ADK: variants seen among roughly 807,000 people sequenced by gnomAD.
ADK encodes the protein N6,N6-dimethyladenosine kinase.
In ADK, 24 loss-of-function variants were observed where a neutral mutation model predicts 44.7. That is an observed-to-expected ratio of 0.54 (90% CI 0.39 to 0.76). ADK has a LOEUF of 0.76. ADK is among the 30% of genes least tolerant of loss of function. The probability of loss-of-function intolerance (pLI) is 0.00; values close to 1 mark genes in which losing one functional copy is unlikely to be tolerated. For missense variants in ADK, 321 were observed against 425.1 expected, an observed-to-expected ratio of 0.76 and a Z score of 2.15; for synonymous variants, 128 against 142.6, an observed-to-expected ratio of 0.90 and a Z score of 0.73.
At chr10:74,359,611 G>A (rs1842260617) in intron 4 of ADK, among the ~76,000 whole-genome samples, 1 of 152,122 alleles carries the variant, frequency 6.6e-6, no homozygotes, top group Non-Finnish European at 1.5e-5. Context: ...TTGGGAGGCT[G>A]AAGCAGGAGG....
chr10:74,543,917 A>G (rs1317849247), intron 7 of ADK, among the ~76,000 whole-genome samples: 1 of 151,396 alleles, frequency 6.6e-6, no homozygotes, highest in Non-Finnish European at 1.5e-5. Flanking sequence ...ATTAATCCCC[A>G]TTATACACTC....
intron 6 of ADK, among the ~76,000 whole-genome samples, chr10:74,446,555 A>C (rs1845593309): frequency 6.6e-6 from 1 of 152,102 alleles, no homozygotes; most frequent in Non-Finnish European, 1.5e-5. Context: ...GGAACCATAA[A>C]ATCCTTTTAA....
intron 8 of ADK, among the ~76,000 whole-genome samples, chr10:74,592,924 A>C (rs1851770999): frequency 6.6e-6 from 1 of 152,226 alleles, no homozygotes; most frequent in Non-Finnish European, 1.5e-5. Context: ...GCACATATTG[A>C]GTACTCTATA....
chr10:74,180,828 G>A lies in ADK; in HGVS notation c.66-19936G>A, dbSNP rs548116583. On this transcript the variant is annotated intron_variant, in intron 1 of 10. Transcript: ENST00000539909. ...GGCCTCCCAAAGTGCTGGGATTACA[G>A]GCGTGAGCCACCGCCCCCAGCCCCA... is the stretch of plus-strand genomic sequence containing the variant. 2.1e-3 allele frequency among the ~76,000 whole-genome samples: 321 copies of A among 152,266 alleles called. 1 individual carries two copies. Among genetic ancestry groups the A allele is most frequent in the Admixed American group, 5.9e-3 (90 of 15,272 alleles).
intron 7 of ADK, among the ~76,000 whole-genome samples, chr10:74,538,854 G>A (rs761958614): frequency 6.6e-6 from 1 of 151,842 alleles, no homozygotes; most frequent in African/African-American, 2.4e-5. Context: ...TCTTTAAATT[G>A]TAAATAACTT....
intron 4 of ADK, among the ~76,000 whole-genome samples, chr10:74,347,099 T>A: frequency 1.0e-5 from 1 of 98,670 alleles, no homozygotes; most frequent in Non-Finnish European, 1.7e-5. Context: ...AGAGCGACAC[T>A]CTGTCTCAAA....
chr10:74,220,924 G>T lies in ADK; in HGVS notation c.141-3614G>T, dbSNP rs563889506. 9.9e-5 allele frequency among the ~76,000 whole-genome samples: 15 copies of T among 151,838 alleles called. No individual in the cohort carries two copies. In the South Asian group the frequency reaches 3.1e-3, roughly 32 times the overall value. On this transcript the variant is annotated intron_variant, in intron 2 of 10. Transcript: ENST00000539909. ...CCATAGCCAGTATCATACTGAATGG[G>T]CAAAAACTGGAAGCATTCCCTTTGA...
intron 1 of ADK, among the ~76,000 whole-genome samples, chr10:74,165,151 A>ATTT (rs1842004185): frequency 6.6e-6 from 1 of 152,194 alleles, no homozygotes; most frequent in Admixed American, 6.6e-5. Context: ...TTGGGGTGTG[A>ATTT]AAGCAGCAGA....
At chr10:74,621,785 T>G (rs976252756) in intron 9 of ADK, among the ~76,000 whole-genome samples, 1 of 152,152 alleles carries the variant, frequency 6.6e-6, no homozygotes, top group Non-Finnish European at 1.5e-5. Context: ...ATTATAGAGC[T>G]TCTGTTAGTG....
At chr10:74,462,680 A>G (rs907143081) in intron 6 of ADK, among the ~76,000 whole-genome samples, 1 of 152,150 alleles carries the variant, frequency 6.6e-6, no homozygotes, top group East Asian at 1.9e-4. Flanking sequence ...TTTAACTCAT[A>G]TTTGCTGTGA....
intron 10 of ADK, among the ~76,000 whole-genome samples, chr10:74,698,787 G>A (rs1856300242): frequency 6.6e-6 from 1 of 151,912 alleles, no homozygotes; most frequent in Non-Finnish European, 1.5e-5. Context: ...TCAAACTTCT[G>A]GGCTCAAATG....
At chr10:74,452,748 A>C (rs1845818775) in intron 6 of ADK, among the ~76,000 whole-genome samples, 3 of 152,008 alleles carry the variant, frequency 2.0e-5, no homozygotes, top group Admixed American at 2.0e-4. Context: ...TGTGGTTATA[A>C]CTTGCATAGC....
At chr10:74,569,278 T>C (rs183640585) in intron 7 of ADK, among the ~76,000 whole-genome samples, 5 of 152,344 alleles carry the variant, frequency 3.3e-5, no homozygotes, top group African/African-American at 1.2e-4. Flanking sequence ...TTATAATCCC[T>C]TGGGTATATA....
rs370735383 is a variant in ADK, at chr10:74,182,348, TTTTA to T, written c.66-18384_66-18381del. ...TTTTGAAGAAGTAAAACAGAAATCTTTTTATTTATTTATTTATTTATTTATTTAT... is the reference window on the plus strand; with the variant it reads ...TTTTGAAGAAGTAAAACAGAAATCTTTTTATTTATTTATTTATTTATTTAT... On this transcript the variant is annotated intron_variant, in intron 1 of 10. Coordinates refer to ENST00000539909, the MANE Select transcript of ADK (RefSeq NM_006721.4). 8.7e-3 allele frequency among the ~76,000 whole-genome samples: 1,262 copies of T among 145,720 alleles called. 14 individuals are homozygous for T. Among genetic ancestry groups the T allele is most frequent in the African/African-American group, 0.029 (1,152 of 39,810 alleles).
intron 1 of ADK, among the ~76,000 whole-genome samples, chr10:74,173,443 C>G (rs1035419505): frequency 8.8e-6 from 1 of 113,888 alleles, no homozygotes; most frequent in Non-Finnish European, 1.8e-5. Flanking sequence ...TTTTTTTTTT[C>G]TTTTGAGATG....
At chr10:74,437,658 CCTT>C (rs1470545628) in intron 6 of ADK, among the ~76,000 whole-genome samples, 1 of 152,194 alleles carries the variant, frequency 6.6e-6, no homozygotes, top group Non-Finnish European at 1.5e-5. Context: ...TGACTGATCT[CCTT>C]CTACTTTTTA....
chr10:74,454,904 A>G lies in ADK; in HGVS notation c.555+56325A>G, dbSNP rs76006916. ...CCTTTATAGAGAGGGTACCATTCAC[A>G]TAAGGGTCTTGTGACCTACTTAAGG... On this transcript the variant is annotated intron_variant, in intron 6 of 10. Transcript: ENST00000539909. 8.7e-3 allele frequency among the ~76,000 whole-genome samples: 1,327 copies of G among 152,286 alleles called. 23 individuals are homozygous for G. Among genetic ancestry groups the G allele is most frequent in the African/African-American group, 0.03 (1,242 of 41,536 alleles).
intron 3 of ADK, among the ~76,000 whole-genome samples, chr10:74,267,754 T>TTGTG (rs372502769): frequency 0.047 from 6,252 of 132,758 alleles, 300 homozygotes; most frequent in African/African-American, 0.11. Context: ...ATATCCTTAT[T>TTGTG]TGTGTGTGTG....
rs1839966888 is a variant in ADK, at chr10:74,300,266, C to CT, written c.195-14401_195-14400insT. Among the ~76,000 whole-genome samples, 7 of 29,706 alleles carry CT rather than the reference C, an allele frequency of 2.4e-4. 1 individual carries two copies. Among genetic ancestry groups the CT allele is most frequent in the African/African-American group, 6.0e-4 (6 of 10,026 alleles). The allele number at this position is 29,706 out of a possible 152,430, so 19.5% of individuals were successfully genotyped here. A position where few individuals can be genotyped will look rare whatever the true frequency, so the allele number is the denominator to read the frequency against. ...TCTCTCTCTCTCTCCTTGTTTCCTTCCTTCCTTCCTTCCTTCCTTCCTTCC... is the reference window on the plus strand; with the variant it reads ...TCTCTCTCTCTCTCCTTGTTTCCTTCTCTTCCTTCCTTCCTTCCTTCCTTCC... On this transcript the variant is annotated intron_variant, in intron 3 of 10. Transcript: ENST00000539909.
Sources: allele counts gnomAD v4.1 joint callset (sites outside exome capture counted in the v4.1 genomes callset), GRCh38; gene constraint gnomAD v4.1.1; transcripts MANE v1.5; gene names NCBI Gene and HGNC (gene_info 2026-07-23, HGNC 2026-07-21).